ZNG1B: variants seen among roughly 807,000 people sequenced by gnomAD.
The protein encoded by ZNG1B is Zn regulated GTPase metalloprotein activator 1B.
chr2:113,488,004 A>G, the ZNG1B span, among the ~76,000 whole-genome samples: 1 of 152,082 alleles, frequency 6.6e-6, no homozygotes, highest in South Asian at 2.1e-4. Flanking sequence ...TCCTTTCCAT[A>G]CTACCACAAC....
At chr2:113,458,190 C>CT in the ZNG1B span, among the ~76,000 whole-genome samples, 1 of 151,914 alleles carries the variant, frequency 6.6e-6, no homozygotes, top group Admixed American at 6.6e-5. Flanking sequence ...TGAAAGTCAT[C>CT]TGACTTAATG....
chr2:113,450,048 A>T, the ZNG1B span, among the ~76,000 whole-genome samples: 32,470 of 147,240 alleles, frequency 0.22, 3,881 homozygotes, highest in East Asian at 0.53. Context: ...TTTTCTCCCT[A>T]CCTCCTTGAA....
chr2:113,492,282 T>C, the ZNG1B span, among the ~76,000 whole-genome samples: 1 of 139,548 alleles, frequency 7.2e-6, no homozygotes, highest in South Asian at 2.4e-4. Flanking sequence ...CTGTGATATA[T>C]ATATACATAC....
chr2:113,486,801 A>G, the ZNG1B span, among the ~76,000 whole-genome samples: 62 of 152,338 alleles, frequency 4.1e-4, no homozygotes, highest in Non-Finnish European at 6.3e-4. Context: ...AGCAATTTGG[A>G]GTCGTATTTT....
At chr2:113,462,907 T>G in the ZNG1B span, 28 of 227,618 alleles carry the variant, frequency 1.2e-4, 1 homozygote, top group East Asian at 2.6e-3. Flanking sequence ...TTCTGTTTTT[T>G]TTTTTTTTTT....
the ZNG1B span, chr2:113,439,025 C>T: frequency 1.5e-5 from 21 of 1,436,836 alleles, no homozygotes; most frequent in Non-Finnish European, 1.7e-5. Context: ...CACAGTTATT[C>T]AGAGGCTGCT....
the ZNG1B span, chr2:113,455,565 C>T: frequency 1.6e-6 from 2 of 1,285,694 alleles, no homozygotes; most frequent in Non-Finnish European, 2.0e-6. Flanking sequence ...AGTGAAATAC[C>T]ACTAAAGGCA....
chr2:113,456,368 T>C, the ZNG1B span, among the ~76,000 whole-genome samples: 1 of 151,870 alleles, frequency 6.6e-6, no homozygotes, highest in Non-Finnish European at 1.5e-5. Context: ...TGAATGTTTA[T>C]TATAGGCATG....
At chr2:113,442,481 G>A in the ZNG1B span, among the ~76,000 whole-genome samples, 2 of 152,122 alleles carry the variant, frequency 1.3e-5, no homozygotes, top group Non-Finnish European at 2.9e-5. Context: ...AGTTATATTC[G>A]ATTTCTGGTT....
the ZNG1B span, among the ~76,000 whole-genome samples, chr2:113,441,126 A>C: frequency 9.9e-5 from 15 of 152,240 alleles, no homozygotes; most frequent in East Asian, 2.5e-3. Flanking sequence ...AACTGTTTCA[A>C]CTTGTAGGAG....
chr2:113,486,216 CAACT>C, the ZNG1B span, among the ~76,000 whole-genome samples: 14 of 123,886 alleles, frequency 1.1e-4, 1 homozygote, highest in African/African-American at 4.3e-4. Flanking sequence ...TTATTAGAAC[CAACT>C]ATGAGTTGTG....
At chr2:113,473,160 C>A in the ZNG1B span, among the ~76,000 whole-genome samples, 38 of 150,972 alleles carry the variant, frequency 2.5e-4, no homozygotes, top group African/African-American at 6.1e-4. Context: ...CTTTTATTTC[C>A]TTGAGCAGTG....
chr2:113,439,132 C>G, the ZNG1B span: 8 of 1,471,412 alleles, frequency 5.4e-6, no homozygotes, highest in Non-Finnish European at 7.4e-6. Context: ...GTCAGTAGAT[C>G]ACTGGAGAAA....
the ZNG1B span, among the ~76,000 whole-genome samples, chr2:113,453,359 T>C: frequency 6.6e-6 from 1 of 152,062 alleles, no homozygotes; most frequent in Non-Finnish European, 1.5e-5. Flanking sequence ...TTCAAGTGAT[T>C]CTCGTGCCTC....
At chr2:113,476,395 A>AT in the ZNG1B span, among the ~76,000 whole-genome samples, 1 of 149,174 alleles carries the variant, frequency 6.7e-6, no homozygotes, top group Non-Finnish European at 1.5e-5. Flanking sequence ...ATTCTTCTAA[A>AT]TTTTTTTCAA....
the ZNG1B span, among the ~76,000 whole-genome samples, chr2:113,487,861 G>C: frequency 6.6e-6 from 1 of 151,458 alleles, no homozygotes; most frequent in Non-Finnish European, 1.5e-5. Flanking sequence ...AGTTCAATTT[G>C]AACCTTTTTT....
chr2:113,490,410 AG>A, the ZNG1B span, among the ~76,000 whole-genome samples: 2 of 135,400 alleles, frequency 1.5e-5, no homozygotes, highest in Non-Finnish European at 3.1e-5. Context: ...AGTCGGAAAG[AG>A]CACAATCTAC....
At chr2:113,470,286 G>C in the ZNG1B span, 1 of 152,246 alleles carries the variant, frequency 6.6e-6, no homozygotes, top group Non-Finnish European at 1.5e-5. Context: ...GAGCCACCGT[G>C]CCCGGCCTGT....
At chr2:113,439,478 T>C in the ZNG1B span, among the ~76,000 whole-genome samples, 1 of 152,250 alleles carries the variant, frequency 6.6e-6, no homozygotes, top group Non-Finnish European at 1.5e-5. Context: ...AAAAGCCTCC[T>C]GACTAATCTG....
Sources: allele counts gnomAD v4.1 joint callset (sites outside exome capture counted in the v4.1 genomes callset), GRCh38; gene constraint gnomAD v4.1.1; transcripts MANE v1.5; gene names NCBI Gene and HGNC (gene_info 2026-07-23, HGNC 2026-07-21).